FAM149B1: variants seen among roughly 807,000 people sequenced by gnomAD.
The protein encoded by FAM149B1 is primary cilium assembly protein FAM149B1.
In FAM149B1, 56 loss-of-function variants were observed where a neutral mutation model predicts 75.3. The ratio of observed to expected loss-of-function variants is 0.74; its 90% CI spans 0.60 to 0.93. The LOEUF (loss-of-function observed/expected upper bound fraction) is 0.93. FAM149B1 is among the 40% of genes least tolerant of loss of function. The probability of loss-of-function intolerance (pLI) is 0.00; values close to 1 mark genes in which losing one functional copy is unlikely to be tolerated. For missense variants in FAM149B1, 639 were observed against 708.4 expected (o/e 0.90, Z 1.11); for synonymous variants, 259 against 256.1 (o/e 1.01, Z -0.11).
Position 73,221,651 on chromosome 10 carries a change from G to A in FAM149B1, c.899-6409G>A, listed in dbSNP as rs549992200. 2.6e-5 allele frequency among the ~76,000 whole-genome samples: 4 copies of A among 151,972 alleles called. No homozygotes were observed. The East Asian group carries it at 7.7e-4, about 29-fold the overall frequency. On this transcript the variant is annotated intron_variant, in intron 7 of 13. Coordinates refer to ENST00000242505, the MANE Select transcript of FAM149B1 (RefSeq NM_173348.2). The stretch of plus-strand genomic sequence containing the variant: ...CCCATGTTTCTTCTGCCTGGAGTTT[G>A]TTTAACTTCATAGATTTGTAGGTTT...
chr10:73,243,820 T>C lies in FAM149B1; in HGVS notation c.*2801T>C. ...AGTAGGAATCAGATCATTAAAGATG[T>C]GGCAACAAACTGCCAAGTTTACCTG... On this transcript the variant is annotated 3_prime_UTR_variant, in exon 14 of 14. Coordinates refer to ENST00000242505, the MANE Select transcript of FAM149B1 (RefSeq NM_173348.2). 6.3e-7 allele frequency: 1 copy of C among 1,594,938 alleles called. No homozygotes were observed. The highest frequency in any genetic ancestry group is 1.1e-5 in the South Asian group (1 of 88,722).
chr10:73,240,435 G>A (rs909757287), intron 13 of FAM149B1, among the ~76,000 whole-genome samples: 2 of 152,164 alleles, frequency 1.3e-5, no homozygotes, highest in Non-Finnish European at 2.9e-5. Flanking sequence ...ATAACTGGCT[G>A]GGCGTGGTGG....
At chr10:73,185,490 A>C (rs932931733) in intron 3 of FAM149B1, among the ~76,000 whole-genome samples, 1 of 152,206 alleles carries the variant, frequency 6.6e-6, no homozygotes, top group African/African-American at 2.4e-5. Flanking sequence ...TCAAGGCTGC[A>C]GTGAGCCATG....
At chr10:73,230,667 G>T in intron 9 of FAM149B1, 142 bp downstream of exon 9, 1 of 587,692 alleles carries the variant, frequency 1.7e-6, no homozygotes, top group South Asian at 2.0e-5. Context: ...AAGGGACATG[G>T]TCTCCACCAT....
At chr10:73,232,649 G>T (rs2043732662) in intron 9 of FAM149B1, among the ~76,000 whole-genome samples, 1 of 152,174 alleles carries the variant, frequency 6.6e-6, no homozygotes, top group Non-Finnish European at 1.5e-5. Flanking sequence ...GCCTTCACTG[G>T]TGACTAAAAA....
chr10:73,231,768 C>G (rs2043705160), intron 9 of FAM149B1, among the ~76,000 whole-genome samples: 2 of 152,152 alleles, frequency 1.3e-5, no homozygotes, highest in African/African-American at 4.8e-5. Flanking sequence ...GGGGCCATCT[C>G]ACTGGCAATG....
intron 7 of FAM149B1, among the ~76,000 whole-genome samples, chr10:73,215,998 G>A (rs1378777816): frequency 6.6e-6 from 1 of 152,144 alleles, no homozygotes; most frequent in Non-Finnish European, 1.5e-5. Context: ...TGTGAATGGG[G>A]TGTTAAAATC....
intron 7 of FAM149B1, among the ~76,000 whole-genome samples, chr10:73,218,649 T>G (rs1268089652): frequency 6.6e-6 from 1 of 152,184 alleles, no homozygotes; most frequent in Non-Finnish European, 1.5e-5. Context: ...AGATAAACCC[T>G]TAATCTCTTG....
At chr10:73,234,725 A>G (rs1589194791) in intron 10 of FAM149B1, 92 bp from the exon 11 acceptor site, 1 of 1,381,666 alleles carries the variant, frequency 7.2e-7, no homozygotes, top group African/African-American at 1.4e-5. Context: ...CATTAAACTC[A>G]TCTGCTTCAT....
chr10:73,243,963 C>T lies in FAM149B1; in HGVS notation c.*2944C>T. 1 of 1,557,550 alleles carries T rather than the reference C, an allele frequency of 6.4e-7. No individual in the cohort carries two copies. The highest frequency in any genetic ancestry group is 8.8e-7 in the Non-Finnish European group (1 of 1,137,288). ...GGAACTCACATGAGACTCAGGGCCA[C>T]CAGGAAATGCTTAAAATACATACTC... On this transcript the variant is annotated 3_prime_UTR_variant, in exon 14 of 14. Transcript: ENST00000242505.
chr10:73,220,189 A>G (rs2043379030), intron 7 of FAM149B1, among the ~76,000 whole-genome samples: 1 of 152,052 alleles, frequency 6.6e-6, no homozygotes, highest in African/African-American at 2.4e-5. Flanking sequence ...AAAAACCACA[A>G]CGAGATACCA....
intron 7 of FAM149B1, among the ~76,000 whole-genome samples, chr10:73,222,852 A>G (rs2043448870): frequency 6.6e-6 from 1 of 152,182 alleles, no homozygotes; most frequent in Admixed American, 6.5e-5. Context: ...ACAGCTTGCC[A>G]AGAGTAAAAG....
intron 1 of FAM149B1, among the ~76,000 whole-genome samples, chr10:73,173,603 A>G (rs531435827): frequency 1.3e-5 from 2 of 152,172 alleles, no homozygotes; most frequent in Non-Finnish European, 2.9e-5. Flanking sequence ...AGGGGTATTG[A>G]CCCCCTGTAC....
chr10:73,232,654 TAA>T (rs1025220938), intron 9 of FAM149B1, among the ~76,000 whole-genome samples: 3 of 152,162 alleles, frequency 2.0e-5, no homozygotes, highest in Non-Finnish European at 4.4e-5. Flanking sequence ...CACTGGTGAC[TAA>T]AAAAGTGACT....
chr10:73,243,434 C>T lies in FAM149B1; in HGVS notation c.*2415C>T. ...TTCTTTCTTGAGAGCAGATTTTTTC[C>T]CTCCTCCTTTGGAAGATTTGCAGTA... is the stretch of plus-strand genomic sequence containing the variant. On this transcript the variant is annotated 3_prime_UTR_variant, in exon 14 of 14. Transcript: ENST00000242505. 1.9e-6 allele frequency: 3 copies of T among 1,613,860 alleles called. No individual in the cohort carries two copies. The highest frequency in any genetic ancestry group is 2.2e-5 in the East Asian group (1 of 44,864).
At chr10:73,199,570 T>C (rs2042886970) in intron 5 of FAM149B1, among the ~76,000 whole-genome samples, 1 of 151,818 alleles carries the variant, frequency 6.6e-6, no homozygotes, top group Admixed American at 6.6e-5. Context: ...AGGGTCTCAC[T>C]ATGTTGCCCA....
Position 73,240,989 on chromosome 10 carries a change from ACCAGTCTCT to A in FAM149B1, c.1721_1729del (p.Pro574_Ser576del), listed in dbSNP as rs374706386. 0.013 allele frequency: 20,715 copies of A among 1,536,398 alleles called. 1,932 individuals are homozygous for A. The African/African-American group carries it at 0.2, about 15-fold the overall frequency. On this transcript the variant is annotated inframe_deletion, in exon 14 of 14. Coordinates refer to ENST00000242505, the MANE Select transcript of FAM149B1 (RefSeq NM_173348.2). ...CTACAAAATCTCAAAGCGGAGGCAG[ACCAGTCTCT>A]CGAACCAGGCAGGGACCATAAGGCA...
chr10:73,168,243 G>C lies in FAM149B1; in HGVS notation c.-97G>C. On this transcript the variant is annotated 5_prime_UTR_variant, in exon 1 of 14. Coordinates refer to ENST00000242505, the MANE Select transcript of FAM149B1 (RefSeq NM_173348.2). ...GCCGGTAGGTGGCGGGAGGGGCCGG[G>C]CCGGAGCCGGCGGGAGGGCCAGGCC... 1.5e-6 allele frequency: 2 copies of C among 1,379,156 alleles called. No individual in the cohort carries two copies. The highest frequency in any genetic ancestry group is 2.0e-6 in the Non-Finnish European group (2 of 1,014,708). 85.4% of individuals were successfully genotyped at this position (1,379,156 alleles called of 1,614,324 possible).
intron 9 of FAM149B1, 84 bp from the exon 10 acceptor site, chr10:73,232,855 G>C: frequency 1.2e-6 from 1 of 815,340 alleles, no homozygotes; most frequent in Admixed American, 2.2e-5. Flanking sequence ...GTAGTTTCTA[G>C]TCTAAGGCTT....
Sources: gnomAD v4.1 joint callset for allele counts (sites outside exome capture counted in the v4.1 genomes callset) on GRCh38, gnomAD v4.1.1 for gene constraint, MANE v1.5 for transcripts, NCBI Gene and HGNC (gene_info 2026-07-23, HGNC 2026-07-21) for gene names.